Variants in GPC5 observed in about 807,000 individuals in gnomAD.
The protein encoded by GPC5 is glypican 5, also known as glypican-5.
A neutral mutation model predicts 53.9 loss-of-function variants in GPC5; 47 were observed. The ratio of observed to expected loss-of-function variants is 0.87; its 90% CI spans 0.69 to 1.11. The LOEUF (loss-of-function observed/expected upper bound fraction) is 1.11, where lower values mean the gene tolerates loss of function less well. GPC5 is among the 50% of genes most tolerant of loss of function. The pLI, the probability that GPC5 is intolerant of heterozygous loss-of-function variation, is 0.00. For synonymous variants in GPC5, 286 were observed against 263.3 expected (o/e 1.09, Z -0.84); for missense variants, 748 against 713.1 (o/e 1.05, Z -0.56).
intron 7 of GPC5, among the ~76,000 whole-genome samples, chr13:92,424,229 A>T (rs1241326119): frequency 6.6e-6 from 1 of 152,162 alleles, no homozygotes; most frequent in Non-Finnish European, 1.5e-5. Flanking sequence ...GAAACTCAAA[A>T]GTAATCAAAA....
intron 7 of GPC5, among the ~76,000 whole-genome samples, chr13:92,348,210 C>T (rs1183145872): frequency 2.0e-5 from 3 of 151,262 alleles, no homozygotes; most frequent in Non-Finnish European, 4.4e-5. Flanking sequence ...CAACTATTTG[C>T]TGGCTGTAAG....
intron 7 of GPC5, chr13:92,484,558 C>T (rs1354315484): frequency 6.6e-6 from 1 of 152,086 alleles, no homozygotes; most frequent in Non-Finnish European, 1.5e-5. Flanking sequence ...GCTCTGACAT[C>T]ACAATGGCTA....
intron 7 of GPC5, among the ~76,000 whole-genome samples, chr13:92,669,084 G>T (rs1013673607): frequency 6.6e-6 from 1 of 151,978 alleles, no homozygotes; most frequent in African/African-American, 2.4e-5. Flanking sequence ...TTCAAATAAT[G>T]ACTCCATATA....
intron 2 of GPC5, among the ~76,000 whole-genome samples, chr13:91,564,446 G>A (rs2031433323): frequency 6.6e-6 from 1 of 152,062 alleles, no homozygotes; most frequent in Non-Finnish European, 1.5e-5. Context: ...GTATTGTTTT[G>A]GGGCTTTATA....
chr13:92,076,036 G>A (rs2041248843), intron 6 of GPC5, among the ~76,000 whole-genome samples: 1 of 151,838 alleles, frequency 6.6e-6, no homozygotes, highest in Non-Finnish European at 1.5e-5. Context: ...TGTGAGATCA[G>A]ATAAACCATG....
At chr13:92,139,682 A>AAG (rs1204117891) in intron 6 of GPC5, among the ~76,000 whole-genome samples, 1 of 151,512 alleles carries the variant, frequency 6.6e-6, no homozygotes, top group Non-Finnish European at 1.5e-5. Flanking sequence ...AAAAAAAAAA[A>AAG]AAAGTGTTAT....
At chr13:91,470,948 C>G (rs1882581350) in intron 2 of GPC5, among the ~76,000 whole-genome samples, 1 of 152,188 alleles carries the variant, frequency 6.6e-6, no homozygotes, top group African/African-American at 2.4e-5. Context: ...AAGTGATCAT[C>G]AACATACTGT....
At chr13:92,849,278 T>A (rs923129201) in intron 7 of GPC5, among the ~76,000 whole-genome samples, 1 of 152,164 alleles carries the variant, frequency 6.6e-6, no homozygotes, top group Non-Finnish European at 1.5e-5. Context: ...TTTGTTTAGC[T>A]ATCCCCTGGG....
At chr13:92,846,159 T>A (rs1461446400) in intron 7 of GPC5, among the ~76,000 whole-genome samples, 1 of 152,136 alleles carries the variant, frequency 6.6e-6, no homozygotes, top group Non-Finnish European at 1.5e-5. Context: ...TTTCTTCACG[T>A]GGCAACAGGA....
At chr13:91,607,603 A>G (rs915548653) in intron 2 of GPC5, among the ~76,000 whole-genome samples, 5 of 152,240 alleles carry the variant, frequency 3.3e-5, no homozygotes, top group Non-Finnish European at 7.3e-5. Flanking sequence ...ATATGTAAAT[A>G]TAAGCAAAGG....
At chr13:92,298,111 G>A (rs995419802) in intron 7 of GPC5, among the ~76,000 whole-genome samples, 11 of 152,118 alleles carry the variant, frequency 7.2e-5, no homozygotes, top group African/African-American at 2.4e-4. Context: ...GGAAAAGCCA[G>A]CACTCACAGG....
At position 92,858,403 on chromosome 13, in the gene GPC5, T is replaced by A. The variant is rs927095048; in HGVS notation, c.1562-7879T>A. On this transcript the variant is annotated intron_variant, in intron 7 of 7. Transcript: ENST00000377067. ...GAACTGTGAGTTAATTAAAACTCTTTCCTTCATAAATTACCCACTCTCAGG... is the reference window on the plus strand; with the variant it reads ...GAACTGTGAGTTAATTAAAACTCTTACCTTCATAAATTACCCACTCTCAGG... 7.9e-5 allele frequency among the ~76,000 whole-genome samples: 12 copies of A among 152,152 alleles called. No individual in the cohort carries two copies. In the East Asian group the frequency reaches 2.3e-3, roughly 29 times the overall value.
intron 1 of GPC5, among the ~76,000 whole-genome samples, chr13:91,438,850 G>C (rs117646911): frequency 0.045 from 6,787 of 152,280 alleles, 190 homozygotes; most frequent in South Asian, 0.13. Context: ...CTACTCAAGC[G>C]TCGGTAATGG....
chr13:91,663,850 A>G (rs11619422), intron 2 of GPC5, among the ~76,000 whole-genome samples: 23,182 of 152,126 alleles, frequency 0.15, 1,957 homozygotes, highest in East Asian at 0.28. Flanking sequence ...TAACTTTAAA[A>G]TAAATTTTAA....
At chr13:92,637,504 CA>C (rs1885447593) in intron 7 of GPC5, among the ~76,000 whole-genome samples, 1 of 152,090 alleles carries the variant, frequency 6.6e-6, no homozygotes, top group African/African-American at 2.4e-5. Flanking sequence ...TAGCCAGAGT[CA>C]AAAAACCTTG....
At chr13:92,354,185 C>G (rs966276854) in intron 7 of GPC5, among the ~76,000 whole-genome samples, 1 of 152,176 alleles carries the variant, frequency 6.6e-6, no homozygotes, top group Non-Finnish European at 1.5e-5. Flanking sequence ...AGCTTTTGCT[C>G]TATAACTTGA....
intron 6 of GPC5, among the ~76,000 whole-genome samples, chr13:92,106,647 C>T (rs1037279149): frequency 3.3e-5 from 5 of 152,032 alleles, no homozygotes; most frequent in South Asian, 2.1e-4. Context: ...CACATAAAAT[C>T]GAATGAAAAG....
At chr13:91,560,534 G>A (rs1180694996) in intron 2 of GPC5, among the ~76,000 whole-genome samples, 1 of 152,066 alleles carries the variant, frequency 6.6e-6, no homozygotes, top group African/African-American at 2.4e-5. Context: ...AAGGGATTTG[G>A]GGCAGTTGCT....
intron 3 of GPC5, among the ~76,000 whole-genome samples, chr13:91,699,686 A>G (rs758966654): frequency 1.6e-4 from 25 of 152,360 alleles, no homozygotes; most frequent in African/African-American, 7.2e-5. Context: ...AAAGAATCCA[A>G]TGAAAGTGGG....
Sources: allele counts gnomAD v4.1 joint callset (sites outside exome capture counted in the v4.1 genomes callset), GRCh38; gene constraint gnomAD v4.1.1; transcripts MANE v1.5; gene names NCBI Gene and HGNC (gene_info 2026-07-23, HGNC 2026-07-21).